The following AOPEP variants were observed in gnomAD, a reference collection of about 807,000 sequenced individuals.
AOPEP encodes aminopeptidase O (putative).
AOPEP carries 77 observed loss-of-function variants against 98.1 expected under a neutral mutation model. That is an observed-to-expected ratio of 0.78 (90% CI 0.65 to 0.95). The LOEUF (loss-of-function observed/expected upper bound fraction) is 0.95, where lower values mean the gene tolerates loss of function less well. Among genes scored for constraint, AOPEP ranks in the 40% least tolerant of loss-of-function variants. The pLI, the probability that AOPEP is intolerant of heterozygous loss-of-function variation, is 0.00. For missense variants in AOPEP, 1,024 were observed against 1,024.7 expected (o/e 1.00, Z 0.01); for synonymous variants, 346 against 365.3 (o/e 0.95, Z 0.60).
intron 16 of AOPEP, chr9:95,082,953 C>A: frequency 3.8e-6 from 2 of 524,354 alleles, no homozygotes; most frequent in South Asian, 2.3e-5. Context: ...CAGAGGCTGT[C>A]CACCTGGAGG....
chr9:95,093,007 C>T, the AOPEP span, among the ~76,000 whole-genome samples: 1 of 152,204 alleles, frequency 6.6e-6, no homozygotes, highest in Non-Finnish European at 1.5e-5. Context: ...TACGGCATAA[C>T]TCAGAGATGA....
At chr9:94,847,269 A>G (rs1479452911) in intron 5 of AOPEP, among the ~76,000 whole-genome samples, 2 of 152,130 alleles carry the variant, frequency 1.3e-5, no homozygotes, top group African/African-American at 4.8e-5. Context: ...TGGGCTGTGA[A>G]GCTGGAAGGG....
chr9:95,069,904 C>A (rs1054247375), intron 14 of AOPEP, among the ~76,000 whole-genome samples: 1 of 152,216 alleles, frequency 6.6e-6, no homozygotes, highest in Non-Finnish European at 1.5e-5. Flanking sequence ...TCCTCTTAAC[C>A]CTGTGCCTAG....
intron 11 of AOPEP, among the ~76,000 whole-genome samples, chr9:94,998,049 C>A (rs1375001098): frequency 5.3e-5 from 8 of 152,180 alleles, no homozygotes; most frequent in Admixed American, 3.3e-4. Context: ...CTGTAAATAA[C>A]TGCAGTTGTA....
At chr9:94,961,292 C>G (rs1385082716) in intron 9 of AOPEP, among the ~76,000 whole-genome samples, 4 of 152,002 alleles carry the variant, frequency 2.6e-5, no homozygotes, top group African/African-American at 9.7e-5. Context: ...TCTTTTTTCC[C>G]CCTGGAAAAA....
rs1468052383 is a variant in AOPEP at position 94,897,845 on chromosome 9, T to TC, written c.1365-26141_1365-26140insC. 5.3e-5 allele frequency among the ~76,000 whole-genome samples: 8 copies of TC among 151,306 alleles called. No individual in the cohort carries two copies. The East Asian group carries it at 1.4e-3, about 26-fold the overall frequency. On this transcript the variant is annotated intron_variant, in intron 5 of 16. Coordinates refer to ENST00000375315, the MANE Select transcript of AOPEP (RefSeq NM_001193329.3). ...ACTGAAGTTTCAAAAGTATGCCTTT[T>TC]TTTTTTTTTTTGGATACAGAGACTT...
chr9:95,074,682 A>G (rs575544816), intron 14 of AOPEP, among the ~76,000 whole-genome samples: 49 of 152,340 alleles, frequency 3.2e-4, no homozygotes, highest in African/African-American at 7.5e-4. Flanking sequence ...GCAAAAGTCA[A>G]CTTCACTGTG....
intron 10 of AOPEP, among the ~76,000 whole-genome samples, chr9:94,968,946 A>C (rs1442717616): frequency 6.6e-6 from 1 of 152,162 alleles, no homozygotes; most frequent in African/African-American, 2.4e-5. Context: ...TTTAATCCTC[A>C]AAACAACACT....
chr9:94,832,933 A>AT (rs564875203), intron 5 of AOPEP, among the ~76,000 whole-genome samples: 10,535 of 136,508 alleles, frequency 0.077, 512 homozygotes, highest in African/African-American at 0.13. Flanking sequence ...TGTAAATTTG[A>AT]TTTTTTTTTT....
chr9:95,139,632 G>A, the AOPEP span, among the ~76,000 whole-genome samples: 1 of 151,706 alleles, frequency 6.6e-6, no homozygotes, highest in South Asian at 2.1e-4. Context: ...TAAAAAGCAG[G>A]CTCTGGAGTG....
intron 3 of AOPEP, among the ~76,000 whole-genome samples, chr9:94,777,585 C>A (rs1169841963): frequency 4.1e-5 from 6 of 144,594 alleles, no homozygotes; most frequent in Non-Finnish European, 7.6e-5. Context: ...ATTTGTAATA[C>A]ATATATCTGG....
At chr9:94,795,884 G>A (rs1421071763) in intron 4 of AOPEP, among the ~76,000 whole-genome samples, 1 of 152,162 alleles carries the variant, frequency 6.6e-6, no homozygotes, top group Admixed American at 6.5e-5. Context: ...ACAGACAGAG[G>A]AGATAAAAAT....
chr9:95,027,225 A>G (rs779670912), intron 13 of AOPEP, among the ~76,000 whole-genome samples: 11 of 152,166 alleles, frequency 7.2e-5, no homozygotes, highest in South Asian at 2.1e-4. Context: ...CCACACCACT[A>G]TACCCCAGTG....
At chr9:94,927,209 A>T (rs2054484263) in intron 6 of AOPEP, among the ~76,000 whole-genome samples, 1 of 152,106 alleles carries the variant, frequency 6.6e-6, no homozygotes, top group South Asian at 2.1e-4. Context: ...TCCTCTTCTT[A>T]TAAGAACACC....
At chr9:94,858,698 G>T (rs746004813) in intron 5 of AOPEP, among the ~76,000 whole-genome samples, 2 of 152,128 alleles carry the variant, frequency 1.3e-5, no homozygotes, top group Non-Finnish European at 2.9e-5. Context: ...CCTTTGGGAG[G>T]TGATTAGGTC....
chr9:95,034,004 C>T (rs978667930), intron 13 of AOPEP, among the ~76,000 whole-genome samples: 11 of 152,116 alleles, frequency 7.2e-5, no homozygotes, highest in African/African-American at 2.7e-4. Context: ...GCTTTGCTGT[C>T]AGCTGTTAGT....
chr9:95,128,481 T>C, the AOPEP span, among the ~76,000 whole-genome samples: 18 of 152,236 alleles, frequency 1.2e-4, no homozygotes, highest in Non-Finnish European at 2.4e-4. Flanking sequence ...AGCCATTCTA[T>C]AGGTTTGATG....
intron 14 of AOPEP, among the ~76,000 whole-genome samples, chr9:95,074,723 G>C (rs895256496): frequency 1.3e-5 from 2 of 152,212 alleles, no homozygotes; most frequent in African/African-American, 2.4e-5. Context: ...AGACCCAGAT[G>C]CCACTTCTTC....
chr9:95,061,274 T>C (rs1044779002), intron 14 of AOPEP, among the ~76,000 whole-genome samples: 1 of 152,228 alleles, frequency 6.6e-6, no homozygotes. Context: ...GAGAAAGCAA[T>C]GTGATATAGT....
Sources: allele counts gnomAD v4.1 joint callset (sites outside exome capture counted in the v4.1 genomes callset), GRCh38; gene constraint gnomAD v4.1.1; transcripts MANE v1.5; gene names NCBI Gene and HGNC (gene_info 2026-07-23, HGNC 2026-07-21).